CNTN2: variants seen among roughly 807,000 people sequenced by gnomAD.
CNTN2 encodes the protein contactin-2.
Under a neutral mutation model 117.5 loss-of-function variants are expected in CNTN2, and 53 were observed. The observed-to-expected ratio is 0.45, with a 90% CI of 0.36 to 0.57. CNTN2 has a LOEUF of 0.57. CNTN2 is among the 20% of genes least tolerant of loss of function. The probability of loss-of-function intolerance (pLI) is 0.00; values close to 1 mark genes in which losing one functional copy is unlikely to be tolerated. For synonymous variants in CNTN2, 530 were observed against 561.7 expected (o/e 0.94, Z 0.80); for missense variants, 1,106 against 1,404.3 (o/e 0.79, Z 3.39).
chr1:205,044,579 C>A (rs974046337), intron 1 of CNTN2, among the ~76,000 whole-genome samples: 25 of 152,100 alleles, frequency 1.6e-4, no homozygotes, highest in African/African-American at 6.0e-4. Context: ...GGAGGAGGAA[C>A]AGCCCAAGAA....
intron 16 of CNTN2, chr1:205,068,652 G>A (rs1194612688): frequency 2.0e-5 from 3 of 152,202 alleles, no homozygotes; most frequent in Non-Finnish European, 2.9e-5. Flanking sequence ...TTAACTGTGT[G>A]ACCTTAGGCA....
Position 205,062,545 on chromosome 1 carries a change from G to T in CNTN2, c.1216G>T (p.Ala406Ser), listed in dbSNP as rs752262787. The T allele has an allele frequency of 6.2e-7, 1 of 1,613,778 alleles. No individual in the cohort carries two copies. The highest frequency in any genetic ancestry group is 1.1e-5 in the South Asian group (1 of 91,046). The change falls in exon 10 of 23, where the codon GCC becomes TCC. Residue 406 changes from alanine to serine, a missense_variant. Ala to Ser is a moderately conservative substitution (Grantham distance 99). Coordinates refer to ENST00000331830, the MANE Select transcript of CNTN2 (RefSeq NM_005076.5). Reference sequence around the variant, plus strand: ...AGAGAATAAGCACGGTACCATCTACGCCAGCGCCGAGCTAGCCGTGCAAGG... The same window carrying T: ...AGAGAATAAGCACGGTACCATCTACTCCAGCGCCGAGCTAGCCGTGCAAGG... ...VAENKHGTIY[A>S]SAELAVQALA...
At position 205,059,879 on chromosome 1, in the gene CNTN2, C is replaced by T. The variant is rs1653883400; in HGVS notation, c.797+197C>T. On this transcript the variant is annotated intron_variant, in intron 7 of 22. Coordinates refer to ENST00000331830, the MANE Select transcript of CNTN2 (RefSeq NM_005076.5). The surrounding 1 kb of genome is among the most constrained non-coding windows in gnomAD (Gnocchi z 5.6). ...GGTGAGGCATCGCATATGCCAGGGG[C>T]CTTCCATGGCCAGGATCACTTGGTC... 1 of 579,652 alleles carries T rather than the reference C, an allele frequency of 1.7e-6. No homozygotes were observed. Among genetic ancestry groups the T allele is most frequent in the Non-Finnish European group, 3.1e-6 (1 of 323,128 alleles). 35.9% of individuals were successfully genotyped at this position (579,652 alleles called of 1,614,324 possible).
Position 205,059,269 on chromosome 1 carries a change from G to A in CNTN2, c.673G>A (p.Ala225Thr). 1.2e-6 allele frequency: 2 copies of A among 1,614,006 alleles called. No homozygotes were observed. The highest frequency in any genetic ancestry group is 1.7e-6 in the Non-Finnish European group (2 of 1,179,968). Reference sequence around the variant, plus strand: ...CACCAAGAGCGTCTTCAGCAAGTTTGCTCAGCTCAACCTGGCTGCTGAAGG... The same window carrying A: ...CACCAAGAGCGTCTTCAGCAAGTTTACTCAGCTCAACCTGGCTGCTGAAGG... Reference protein sequence around the residue: ...FSTKSVFSKFAQLNLAAEDTR... With the variant: ...FSTKSVFSKFTQLNLAAEDTR... The change falls in exon 6 of 23, where the codon GCT becomes ACT. Residue 225 changes from alanine (A) to threonine (T), a missense_variant. Coordinates refer to ENST00000331830, the MANE Select transcript of CNTN2 (RefSeq NM_005076.5). This position sits in a 1 kb window ranked among gnomAD's most constrained non-coding sequence, Gnocchi z 5.6.
In CNTN2 at chr1:205,073,770, G is replaced by A. The variant is rs1196560813; in HGVS notation, c.*5G>A. The A allele has an allele frequency of 2.5e-6, 4 of 1,611,802 alleles. No homozygotes were observed. The African/African-American group carries it at 4.0e-5, about 16-fold the overall frequency. On this transcript the variant is annotated 3_prime_UTR_variant, in exon 23 of 23. Transcript: ENST00000331830. This position sits in a 1 kb window ranked among gnomAD's most constrained non-coding sequence, Gnocchi z 6.3. ...ATAGGCTCCCTGGAGCTCTGATCCT[G>A]GAACCCCTCCCTCTGCGCCGCAGCT...
chr1:205,064,841 A>G (rs750698357), intron 12 of CNTN2, 91 bp downstream of exon 12: 9 of 1,549,202 alleles, frequency 5.8e-6, no homozygotes, highest in Non-Finnish European at 7.9e-6. Flanking sequence ...CATTGCTCCT[A>G]GTTTGGTGTC....
In CNTN2 at chr1:205,075,003, C is replaced by G; in HGVS notation, c.*1238C>G. On this transcript the variant is annotated 3_prime_UTR_variant, in exon 23 of 23. Transcript: ENST00000331830. The stretch of plus-strand genomic sequence containing the variant: ...CACAGAACGTCAGAGCTGGAAGAAG[C>G]CTTAGAGCTCAACTTCTTCAAGCCC... 1 of 397,926 alleles carries G rather than the reference C, an allele frequency of 2.5e-6. No homozygotes were observed. Among genetic ancestry groups the G allele is most frequent in the East Asian group, 3.6e-5 (1 of 28,074 alleles). 24.6% of individuals were successfully genotyped at this position (397,926 alleles called of 1,614,324 possible).
chr1:205,056,813 C>T (rs982738906), intron 2 of CNTN2, among the ~76,000 whole-genome samples: 1 of 152,170 alleles, frequency 6.6e-6, no homozygotes, highest in African/African-American at 2.4e-5. Flanking sequence ...ATCTGTGGCT[C>T]TTCATCCCCT....
chr1:205,044,602 G>A (rs2096438126), intron 1 of CNTN2, among the ~76,000 whole-genome samples: 1 of 152,186 alleles, frequency 6.6e-6, no homozygotes, highest in Non-Finnish European at 1.5e-5. Flanking sequence ...CCAGTGCACA[G>A]GTGATGTTCT....
Position 205,074,247 on chromosome 1 carries a change from C to T in CNTN2, c.*482C>T. 2.4e-6 allele frequency: 1 copy of T among 409,278 alleles called. No individual in the cohort carries two copies. The allele number at this position is 409,278 out of a possible 1,614,324, so 25.4% of individuals were successfully genotyped here. A position where few individuals can be genotyped will look rare whatever the true frequency, so the allele number is the denominator to read the frequency against. ...AAGGAAGAAGGGCAAGCCCTGGGAC[C>T]AAGAGCTCTCCCGCCTTCTCCCTCG... is the stretch of plus-strand genomic sequence containing the variant. On this transcript the variant is annotated 3_prime_UTR_variant, in exon 23 of 23. Transcript: ENST00000331830.
At chr1:205,067,312 G>A in intron 16 of CNTN2, 62 bp downstream of exon 16, 1 of 1,551,554 alleles carries the variant, frequency 6.4e-7, no homozygotes, top group Non-Finnish European at 8.7e-7. Context: ...ACCACTTATA[G>A]GGAATGCCAA....
intron 16 of CNTN2, chr1:205,068,659 G>C (rs1369963380): frequency 1.3e-5 from 2 of 152,188 alleles, no homozygotes; most frequent in African/African-American, 2.4e-5. Flanking sequence ...TGTGACCTTA[G>C]GCAAGTTGAT....
chr1:205,060,721 A>AG (rs905336879), intron 7 of CNTN2: 3 of 151,334 alleles, frequency 2.0e-5, no homozygotes, highest in African/African-American at 7.3e-5. Context: ...GTCTCAAAAA[A>AG]AAAAAAAAAA....
intron 17 of CNTN2, 52 bp from the exon 18 acceptor site, chr1:205,069,775 G>A: frequency 1.3e-6 from 2 of 1,577,008 alleles, no homozygotes; most frequent in Non-Finnish European, 1.7e-6. Context: ...CCAGGGAACG[G>A]GCAGGGACAC....
Position 205,070,496 on chromosome 1 carries a change from ACC to A in CNTN2, c.2504_2505del (p.Pro835ArgfsTer13). 6.2e-7 allele frequency: 1 copy of A among 1,613,990 alleles called. No individual in the cohort carries two copies. Among genetic ancestry groups the A allele is most frequent in the Non-Finnish European group, 8.5e-7 (1 of 1,179,948 alleles). On this transcript the variant is annotated frameshift_variant, in exon 19 of 23. Coordinates refer to ENST00000331830, the MANE Select transcript of CNTN2 (RefSeq NM_005076.5). LOFTEE classifies it high-confidence loss of function. ...CCTCAGAGATGAACGTGACCTGGGA[ACC>A]CGTGCAGCAGGACATGAATGGTATC... ...SSSEMNVTWEPVQQDMNGILL... is the reference protein window; with the variant it reads ...SSSEMNVTWEXVQQDMNGILL...
Position 205,061,406 on chromosome 1 carries a change from G to C in CNTN2, c.959G>C (p.Arg320Pro). 1.2e-6 allele frequency: 2 copies of C among 1,609,810 alleles called. No individual in the cohort carries two copies. The highest frequency in any genetic ancestry group is 1.7e-6 in the Non-Finnish European group (2 of 1,178,108). ...NSKGRDTVQG[R>P]IIVQAQPEWL... ...AAGGGCCGAGACACCGTGCAGGGCC[G>C]CATCATCGTGCAGGGTACAGAGCCA... is the stretch of plus-strand genomic sequence containing the variant. Residue 320 changes from arginine to proline, a missense_variant, in exon 8 of 23, where the codon CGC becomes CCC. By Grantham distance (103) the Arg-to-Pro change is moderately radical. Coordinates refer to ENST00000331830, the MANE Select transcript of CNTN2 (RefSeq NM_005076.5). This position sits in a 1 kb window ranked among gnomAD's most constrained non-coding sequence, Gnocchi z 4.8.
Position 205,070,078 on chromosome 1 carries a change from C to A in CNTN2, c.2431+17C>A. ...CTGAGGAAGGTGGGCTGCCCCTGGGCCCCCTGCTCGTCCCTACCCCAGCCA... is the reference window on the plus strand; with the variant it reads ...CTGAGGAAGGTGGGCTGCCCCTGGGACCCCTGCTCGTCCCTACCCCAGCCA... On this transcript the variant is annotated intron_variant, in intron 18 of 22. Coordinates refer to ENST00000331830, the MANE Select transcript of CNTN2 (RefSeq NM_005076.5). 1 of 1,609,880 alleles carries A rather than the reference C, an allele frequency of 6.2e-7. No individual in the cohort carries two copies.
In CNTN2 at chr1:205,073,726, C is replaced by T. The variant is rs374947887; in HGVS notation, c.3084C>T (p.Ser1028=). The part of the protein sequence containing the change: ...APHPGTVISH[S]VAMLILIGSL... ...ACCCTGGCACCGTCATTTCCCACTC[C>T]GTGGCGATGCTGATCCTCATAGGCT... The change falls in exon 23 of 23, where the codon TCC becomes TCT. Residue 1028 remains serine, a synonymous_variant. Coordinates refer to ENST00000331830, the MANE Select transcript of CNTN2 (RefSeq NM_005076.5). This position sits in a 1 kb window ranked among gnomAD's most constrained non-coding sequence, Gnocchi z 6.3. 2.5e-5 allele frequency: 40 copies of T among 1,613,880 alleles called. No individual in the cohort carries two copies. The highest frequency in any genetic ancestry group is 6.7e-5 in the East Asian group (3 of 44,888).
Position 205,059,161 on chromosome 1 carries a change from A to G in CNTN2, c.565A>G (p.Thr189Ala). ...TDGRHFVSQT[T>A]GNLYIARTNA... Reference sequence around the variant, plus strand: ...CGGGCGTCACTTCGTGTCCCAGACCACAGGGAACCTGTACATTGCCCGAAC... The same window carrying G: ...CGGGCGTCACTTCGTGTCCCAGACCGCAGGGAACCTGTACATTGCCCGAAC... The change falls in exon 6 of 23, where the codon ACA (threonine) becomes GCA (alanine). Residue 189 changes from threonine (T) to alanine (A), a missense_variant. By Grantham distance (58) the Thr-to-Ala change is moderately conservative (BLOSUM62 0). Transcript: ENST00000331830. The surrounding 1 kb of genome is among the most constrained non-coding windows in gnomAD (Gnocchi z 5.6). The G allele has an allele frequency of 6.2e-7, 1 of 1,614,196 alleles. No homozygotes were observed. Among genetic ancestry groups the G allele is most frequent in the Non-Finnish European group, 8.5e-7 (1 of 1,180,026 alleles).
Sources: gnomAD v4.1 joint callset for allele counts (sites outside exome capture counted in the v4.1 genomes callset) on GRCh38, gnomAD v4.1.1 for gene constraint, Gnocchi (gnomAD v3.1) non-coding constraint, MANE v1.5 for transcripts, NCBI Gene and HGNC (gene_info 2026-07-23, HGNC 2026-07-21) for gene names.